The following IL1RAPL2 variants were observed in gnomAD, a reference collection of about 807,000 sequenced individuals.
IL1RAPL2 encodes the protein interleukin 1 receptor accessory protein like 2, also known as X-linked interleukin-1 receptor accessory protein-like 2.
In IL1RAPL2, 3 loss-of-function variants were observed where a neutral mutation model predicts 44.1. That is an observed-to-expected ratio of 0.07 (90% confidence interval 0.03 to 0.18). IL1RAPL2 has a LOEUF of 0.18. Ranked by LOEUF, IL1RAPL2 falls within the 10% of genes least tolerant of loss-of-function variation. The pLI, the probability that IL1RAPL2 is intolerant of heterozygous loss-of-function variation, is 1.00. For missense variants in IL1RAPL2, 391 were observed against 496.4 expected, an observed-to-expected ratio of 0.79 and a Z score of 2.02; for synonymous variants, 181 against 178.8, an observed-to-expected ratio of 1.01 and a Z score of -0.10.
intron 6 of IL1RAPL2, among the ~76,000 whole-genome samples, chrX:105,695,112 T>C (rs2038066693): frequency 8.9e-6 from 1 of 111,752 alleles, no homozygotes; most frequent in Admixed American, 9.5e-5. Context: ...TCTTGAAAAT[T>C]GCAAAGACAA....
chrX:105,515,778 G>A (rs914713318), intron 6 of IL1RAPL2, among the ~76,000 whole-genome samples: 2 of 111,906 alleles, frequency 1.8e-5, no homozygotes, highest in Non-Finnish European at 3.8e-5. Context: ...CTGTGACTAG[G>A]GAGTGTTGAG....
At position 105,432,129 on chromosome X, in the gene IL1RAPL2, CTTTTTTT is replaced by C. The variant is rs386417369; in HGVS notation, c.698-52167_698-52161del. 2.2e-4 allele frequency among the ~76,000 whole-genome samples: 10 copies of C among 44,838 alleles called. No homozygotes were observed. In the East Asian group the frequency reaches 6.2e-3, roughly 28 times the overall value. 38.9% of individuals were successfully genotyped at this position (44,838 alleles called of 115,157 possible). On this transcript the variant is annotated intron_variant, in intron 5 of 10. Transcript: ENST00000372582. ...AGTAGATTCAGTGTCTTCAATTTGC[CTTTTTTT>C]TTTTTTTTTTTTTTTTCACTTTTCT...
intron 5 of IL1RAPL2, among the ~76,000 whole-genome samples, chrX:105,295,832 G>A (rs950469024): frequency 2.7e-5 from 3 of 111,250 alleles, no homozygotes; most frequent in Non-Finnish European, 5.7e-5. Flanking sequence ...AATTGTCAAA[G>A]CTTGCATGAT....
In IL1RAPL2 at chrX:105,702,621, C is replaced by T. The variant is rs6621991; in HGVS notation, c.773-14746C>T. ...CCTTTAGGAAGTAGGCATTATTAGT[C>T]CCATTTCAGTGATGAAAAGTATGAG... is the stretch of plus-strand genomic sequence containing the variant. On this transcript the variant is annotated intron_variant, in intron 6 of 10. Coordinates refer to ENST00000372582, the MANE Select transcript of IL1RAPL2 (RefSeq NM_017416.2). 2.8e-3 allele frequency among the ~76,000 whole-genome samples: 313 copies of T among 111,704 alleles called. 1 individual carries two copies. The East Asian group carries it at 0.062, about 22-fold the overall frequency.
chrX:105,014,132 C>G (rs2031121574), intron 2 of IL1RAPL2, among the ~76,000 whole-genome samples: 1 of 110,935 alleles, frequency 9.0e-6, no homozygotes, highest in South Asian at 3.7e-4. Flanking sequence ...TTTTTTAGCC[C>G]TTGATGTTAT....
intron 2 of IL1RAPL2, among the ~76,000 whole-genome samples, chrX:105,191,515 G>A (rs1556137144): frequency 2.7e-5 from 3 of 111,866 alleles, no homozygotes; most frequent in Non-Finnish European, 3.8e-5. Flanking sequence ...GCACCCGGCC[G>A]ATATTAAAGC....
At chrX:105,042,761 A>G (rs1243029863) in intron 2 of IL1RAPL2, among the ~76,000 whole-genome samples, 1 of 107,844 alleles carries the variant, frequency 9.3e-6, no homozygotes. Context: ...TCATGCTGCT[A>G]TAAAGACACA....
chrX:105,343,681 T>C (rs764775887), intron 5 of IL1RAPL2, among the ~76,000 whole-genome samples: 6 of 111,660 alleles, frequency 5.4e-5, no homozygotes, highest in South Asian at 3.7e-4. Context: ...AATAAAATCA[T>C]TGGGTCAAAG....
intron 3 of IL1RAPL2, among the ~76,000 whole-genome samples, chrX:105,225,325 G>A (rs1333084810): frequency 1.8e-5 from 2 of 112,262 alleles, no homozygotes; most frequent in Non-Finnish European, 3.8e-5. Context: ...TTTTGAGTGA[G>A]TAGTTTTTAA....
chrX:104,669,429 C>T (rs750433231), intron 2 of IL1RAPL2, among the ~76,000 whole-genome samples: 7 of 111,188 alleles, frequency 6.3e-5, no homozygotes, highest in African/African-American at 1.6e-4. Context: ...TCTTAAAAGT[C>T]GCTTTTCTCC....
intron 5 of IL1RAPL2, among the ~76,000 whole-genome samples, chrX:105,295,710 C>CA (rs1178978193): frequency 1.8e-5 from 2 of 111,977 alleles, no homozygotes; most frequent in Non-Finnish European, 3.8e-5. Flanking sequence ...TGCATACATG[C>CA]ACATTGGCTC....
intron 2 of IL1RAPL2, among the ~76,000 whole-genome samples, chrX:105,114,160 G>C (rs1261487831): frequency 1.8e-5 from 2 of 111,599 alleles, no homozygotes; most frequent in Non-Finnish European, 3.8e-5. Flanking sequence ...AATAGGATTG[G>C]TACTCTGAAA....
intron 2 of IL1RAPL2, among the ~76,000 whole-genome samples, chrX:104,851,972 C>A (rs1922237607): frequency 9.0e-6 from 1 of 110,994 alleles, no homozygotes; most frequent in Non-Finnish European, 1.9e-5. Flanking sequence ...AGGAATTTGC[C>A]CCCATGACCC....
chrX:105,646,186 T>G (rs1265099882), intron 6 of IL1RAPL2, among the ~76,000 whole-genome samples: 1 of 111,463 alleles, frequency 9.0e-6, no homozygotes, highest in Non-Finnish European at 1.9e-5. Context: ...TGAAATTACA[T>G]CATAGCAATT....
chrX:105,169,503 T>C (rs2033404221), intron 2 of IL1RAPL2, among the ~76,000 whole-genome samples: 1 of 74,312 alleles, frequency 1.3e-5, no homozygotes, highest in Admixed American at 1.4e-4. Context: ...TTTTTTTTTT[T>C]TTTTTTTTTT....
At chrX:105,512,822 G>GT (rs1236842796) in intron 6 of IL1RAPL2, among the ~76,000 whole-genome samples, 1 of 110,536 alleles carries the variant, frequency 9.0e-6, no homozygotes, top group African/African-American at 3.3e-5. Context: ...AGAACATGCA[G>GT]TTTTTTTTAC....
chrX:104,946,237 G>T (rs1478714273), intron 2 of IL1RAPL2, among the ~76,000 whole-genome samples: 2 of 100,214 alleles, frequency 2.0e-5, no homozygotes, highest in East Asian at 6.2e-4. Flanking sequence ...GCCAGGCGCG[G>T]TGGCGGGCGC....
At chrX:105,428,730 T>C (rs2147749635) in intron 5 of IL1RAPL2, among the ~76,000 whole-genome samples, 1 of 111,976 alleles carries the variant, frequency 8.9e-6, no homozygotes, top group East Asian at 2.8e-4. Flanking sequence ...TTTGAGGATA[T>C]AATGTCCCTC....
At chrX:105,121,228 G>T (rs180762185) in intron 2 of IL1RAPL2, among the ~76,000 whole-genome samples, 4 of 111,929 alleles carry the variant, frequency 3.6e-5, no homozygotes, top group Admixed American at 2.8e-4. Context: ...CAATTAAAGA[G>T]AAATATAAAT....
Sources: gnomAD v4.1 joint callset for allele counts (sites outside exome capture counted in the v4.1 genomes callset) on GRCh38, gnomAD v4.1.1 for gene constraint, MANE v1.5 for transcripts, NCBI Gene and HGNC (gene_info 2026-07-23, HGNC 2026-07-21) for gene names.